The following RGS22 variants were observed in gnomAD, a reference collection of about 807,000 sequenced individuals.
RGS22 encodes regulator of G protein signaling 22.
Under a neutral mutation model 172.9 loss-of-function variants are expected in RGS22, and 148 were observed. The observed-to-expected ratio is 0.86, with a 90% CI of 0.75 to 0.98. RGS22 has a LOEUF of 0.98. RGS22 is among the 50% of genes least tolerant of loss of function. The probability of loss-of-function intolerance (pLI) is 0.00; values close to 1 mark genes in which losing one functional copy is unlikely to be tolerated. For synonymous variants in RGS22, 458 were observed against 480.2 expected (o/e 0.95, Z 0.60); for missense variants, 1,347 against 1,440.8 (o/e 0.93, Z 1.05).
Position 100,038,450 on chromosome 8 carries a change from T to C in RGS22, c.2166+481A>G, listed in dbSNP as rs536082140. On this transcript the variant is annotated intron_variant, in intron 14 of 27. Coordinates refer to ENST00000360863, the MANE Select transcript of RGS22 (RefSeq NM_015668.5). Reference sequence around the variant, plus strand: ...TAGAACAGAAGCCTAAACAACTACATGGGGCCTGCACTGCATAGTCAGTCA... The same window carrying C: ...TAGAACAGAAGCCTAAACAACTACACGGGGCCTGCACTGCATAGTCAGTCA... 5 of 152,338 alleles carry C rather than the reference T, an allele frequency of 3.3e-5. No individual in the cohort carries two copies. In the East Asian group the frequency reaches 5.8e-4, roughly 18 times the overall value. 9.4% of individuals were successfully genotyped at this position (152,338 alleles called of 1,614,324 possible).
At position 99,987,588 on chromosome 8, in the gene RGS22, CA is replaced by C; in HGVS notation, c.3049del (p.Cys1017ValfsTer11). The C allele has an allele frequency of 6.2e-7, 1 of 1,608,742 alleles. No homozygotes were observed. The highest frequency in any genetic ancestry group is 8.5e-7 in the Non-Finnish European group (1 of 1,177,652). ...TGCTTTGCGAAAAGCAATGATTTTA[CA>C]AGATGAAGAGATCCACTTACTCTCC... The part of the protein sequence containing the change: ...PVESKWISSS[C>X]KIIAFRKALL... On this transcript the variant is annotated frameshift_variant, in exon 21 of 28. Transcript: ENST00000360863. LOFTEE classifies it high-confidence loss of function.
chr8:100,001,895 T>C (rs999785187), intron 18 of RGS22, among the ~76,000 whole-genome samples: 4 of 152,316 alleles, frequency 2.6e-5, no homozygotes, highest in South Asian at 2.1e-4. Flanking sequence ...CTTGAGCACC[T>C]AGAACAGTCT....
chr8:100,076,731 C>G (rs2446931), intron 4 of RGS22, among the ~76,000 whole-genome samples: 60,235 of 152,022 alleles, frequency 0.4, 12,338 homozygotes, highest in East Asian at 0.55. Context: ...GGTGGTTCAT[C>G]CCTGTAATCC....
chr8:100,045,526 AAT>A (rs1820623251), intron 11 of RGS22, among the ~76,000 whole-genome samples: 1 of 152,136 alleles, frequency 6.6e-6, no homozygotes, highest in African/African-American at 2.4e-5. Context: ...CTGTTTTTAA[AAT>A]ATATGTTTAG....
chr8:100,063,511 C>T lies in RGS22; in HGVS notation c.1257G>A (p.Lys419=). The T allele has an allele frequency of 6.2e-7, 1 of 1,613,868 alleles. No individual in the cohort carries two copies. Among genetic ancestry groups the T allele is most frequent in the Non-Finnish European group, 8.5e-7 (1 of 1,179,826 alleles). The change falls in exon 8 of 28, where the codon AAG becomes AAA. Residue 419 remains lysine, a synonymous_variant. Coordinates refer to ENST00000360863, the MANE Select transcript of RGS22 (RefSeq NM_015668.5). ...CTCCCAATGTACCTTTTATAAATTT[C>T]TTAAATCTTTCAAACTCCTTTCTAT... ...IGNRKEFERF[K]KFIKGTLGER... is the part of the protein sequence containing the mutation.
At chr8:100,030,347 A>G (rs761975915) in intron 14 of RGS22, among the ~76,000 whole-genome samples, 31 of 152,330 alleles carry the variant, frequency 2.0e-4, no homozygotes, top group Non-Finnish European at 3.5e-4. Context: ...TTGCTACACT[A>G]TATTTTTTAT....
At chr8:100,006,667 C>A (rs1250955066) in intron 15 of RGS22, among the ~76,000 whole-genome samples, 1 of 152,180 alleles carries the variant, frequency 6.6e-6, no homozygotes, top group Admixed American at 6.5e-5. Context: ...ATCAGCTTGG[C>A]TGAAGAGCTG....
chr8:100,082,053 A>G (rs1410072444), intron 3 of RGS22, among the ~76,000 whole-genome samples: 3 of 152,120 alleles, frequency 2.0e-5, no homozygotes, highest in Admixed American at 2.0e-4. Flanking sequence ...AAAAGTGCTC[A>G]AGTAAAAAAA....
chr8:100,095,918 A>G (rs914822195), intron 2 of RGS22, among the ~76,000 whole-genome samples: 3 of 152,248 alleles, frequency 2.0e-5, no homozygotes, highest in Non-Finnish European at 4.4e-5. Context: ...ACAATGGGAA[A>G]TAAGTGTTGC....
In RGS22 at chr8:100,063,404, A is replaced by G. The variant is rs1810296597; in HGVS notation, c.1352+12T>C. The G allele has an allele frequency of 6.7e-7, 1 of 1,497,634 alleles. No individual in the cohort carries two copies. Among genetic ancestry groups the G allele is most frequent in the Admixed American group, 2.3e-5 (1 of 43,348 alleles). 92.8% of individuals were successfully genotyped at this position (1,497,634 alleles called of 1,614,324 possible). On this transcript the variant is annotated intron_variant, in intron 8 of 27. Transcript: ENST00000360863. ...TTTTTAAAACTATTGAAAAATAAAA[A>G]AATAGAATTACCTTTGATGTCTTCC...
chr8:99,989,908 A>G (rs1813526283), intron 20 of RGS22, among the ~76,000 whole-genome samples: 1 of 147,286 alleles, frequency 6.8e-6, no homozygotes, highest in African/African-American at 2.6e-5. Context: ...AGATAGATAT[A>G]GATAGATAGA....
chr8:100,072,779 GA>G (rs1563701268), intron 4 of RGS22, among the ~76,000 whole-genome samples: 2 of 151,640 alleles, frequency 1.3e-5, no homozygotes, highest in African/African-American at 2.4e-5. Flanking sequence ...GGAGCCTACA[GA>G]GACACTCAAC....
chr8:100,049,191 T>A (rs1586118572), intron 10 of RGS22, among the ~76,000 whole-genome samples: 1 of 152,102 alleles, frequency 6.6e-6, no homozygotes, highest in East Asian at 1.9e-4. Flanking sequence ...GAGGGCGGTA[T>A]AAAGGAACTG....
At chr8:99,987,317 A>G in intron 21 of RGS22, 141 bp downstream of exon 21, 1 of 527,046 alleles carries the variant, frequency 1.9e-6, no homozygotes, top group Non-Finnish European at 3.3e-6. Context: ...AAACATCTCA[A>G]TATTTATATA....
chr8:100,002,092 G>C lies in RGS22; in HGVS notation c.2790+110C>G. 5.0e-6 allele frequency: 4 copies of C among 792,142 alleles called. No individual in the cohort carries two copies. The South Asian group carries it at 6.4e-5, about 13-fold the overall frequency. The allele number at this position is 792,142 out of a possible 1,614,324, so 49.1% of individuals were successfully genotyped here. Reference sequence around the variant, plus strand: ...AATATCAAAGGTCTTTAACACATTAGTCATAAGCAAAAGAAAATAAAATAA... The same window carrying C: ...AATATCAAAGGTCTTTAACACATTACTCATAAGCAAAAGAAAATAAAATAA... On this transcript the variant is annotated intron_variant, in intron 18 of 27. Coordinates refer to ENST00000360863, the MANE Select transcript of RGS22 (RefSeq NM_015668.5).
At chr8:100,040,794 A>G in intron 12 of RGS22, among the ~76,000 whole-genome samples, 1 of 152,198 alleles carries the variant, frequency 6.6e-6, no homozygotes, top group East Asian at 1.9e-4. Context: ...CTTCTTTATA[A>G]TAAGACAATA....
chr8:100,039,127 G>C (rs553716280), intron 13 of RGS22, 95 bp from the exon 14 acceptor site: 279 of 543,908 alleles, frequency 5.1e-4, no homozygotes, highest in African/African-American at 4.9e-3. Flanking sequence ...TTAGCTCCTT[G>C]CTGTTACCAT....
chr8:99,984,259 C>T (rs886521943), intron 21 of RGS22, among the ~76,000 whole-genome samples: 3 of 151,928 alleles, frequency 2.0e-5, no homozygotes, highest in Non-Finnish European at 4.4e-5. Context: ...TGCACTCCAG[C>T]CTGGGCAACA....
chr8:99,968,161 T>C (rs1168889525), intron 23 of RGS22, among the ~76,000 whole-genome samples: 1 of 151,928 alleles, frequency 6.6e-6, no homozygotes, highest in African/African-American at 2.4e-5. Flanking sequence ...GAAGTAAAAC[T>C]AACAAACAGA....
Sources: gnomAD v4.1 joint callset for allele counts (sites outside exome capture counted in the v4.1 genomes callset) on GRCh38, gnomAD v4.1.1 for gene constraint, MANE v1.5 for transcripts, NCBI Gene and HGNC (gene_info 2026-07-23, HGNC 2026-07-21) for gene names.